SRP54: variants seen among roughly 807,000 people sequenced by gnomAD.
The protein encoded by SRP54 is signal recognition particle 54, also known as signal recognition particle subunit SRP54.
SRP54 carries 10 observed loss-of-function variants against 64.8 expected under a neutral mutation model. That is an observed-to-expected ratio of 0.15 (90% CI 0.10 to 0.26). SRP54 has a LOEUF of 0.26. SRP54 is among the 10% of genes least tolerant of loss of function. SRP54 has a pLI of 1.00. For synonymous variants in SRP54, 193 were observed against 185.6 expected (o/e 1.04, Z -0.32); for missense variants, 325 against 613.7 (o/e 0.53, Z 4.97).
chr14:34,986,648 G>A (rs1182048011), intron 1 of SRP54, among the ~76,000 whole-genome samples: 1 of 152,226 alleles, frequency 6.6e-6, no homozygotes, highest in African/African-American at 2.4e-5. Flanking sequence ...GGGAGGCTGA[G>A]GCGGGTGGAT....
At chr14:35,013,661 C>T in intron 9 of SRP54, 141 bp from the exon 10 acceptor site, 1 of 1,042,358 alleles carries the variant, frequency 9.6e-7, no homozygotes, top group Non-Finnish European at 1.4e-6. Context: ...TGATATAGGT[C>T]TATTATAACT....
In SRP54 at chr14:35,000,894, A is replaced by AT. The variant is rs762519691; in HGVS notation, c.171-38dup. 219 of 1,143,080 alleles carry AT rather than the reference A, an allele frequency of 1.9e-4. No individual in the cohort carries two copies. The East Asian group carries it at 3.0e-3, about 16-fold the overall frequency. 70.8% of individuals were successfully genotyped at this position (1,143,080 alleles called of 1,614,324 possible). On this transcript the variant is annotated intron_variant, in intron 3 of 15. Transcript: ENST00000216774. ...TCTTTTTCTTAGAGTTTCTTAACTG[A>AT]TTTTCTCCTCCCCACCCCAATCACC... is the stretch of plus-strand genomic sequence containing the variant.
chr14:35,001,767 A>C (rs1454102540), intron 4 of SRP54, among the ~76,000 whole-genome samples: 1 of 152,182 alleles, frequency 6.6e-6, no homozygotes, highest in Non-Finnish European at 1.5e-5. Context: ...AATTAGTGAA[A>C]GTTTTATTTT....
At chr14:34,999,520 T>C (rs747517815) in intron 2 of SRP54, 38 bp from the exon 3 acceptor site, 8 of 1,475,400 alleles carry the variant, frequency 5.4e-6, no homozygotes, top group Middle Eastern at 1.9e-4. Context: ...AAATGAAACA[T>C]TGGGTGCTTT....
rs1408744907 is a variant in SRP54 at position 35,013,261 on chromosome 14, A to T, written c.637-85A>T. ...TGAGCCACTGCACCTGGCTCTAAAT[A>T]TTGTTTTATAGCTTCTAATGATGAC... On this transcript the variant is annotated intron_variant, in intron 8 of 15. Coordinates refer to ENST00000216774, the MANE Select transcript of SRP54 (RefSeq NM_003136.4). 1.3e-5 allele frequency: 18 copies of T among 1,337,578 alleles called. No homozygotes were observed. The East Asian group carries it at 4.1e-4, about 30-fold the overall frequency. 82.9% of individuals were successfully genotyped at this position (1,337,578 alleles called of 1,614,324 possible). A position where few individuals can be genotyped will look rare whatever the true frequency, so the allele number is the denominator to read the frequency against.
chr14:35,012,151 G>A (rs1169951928), intron 8 of SRP54, among the ~76,000 whole-genome samples: 1 of 149,776 alleles, frequency 6.7e-6, no homozygotes, highest in Non-Finnish European at 1.5e-5. Context: ...GGGAGGCAGA[G>A]GTTGCAGTGA....
At chr14:35,020,088 G>C (rs185658819) in intron 13 of SRP54, among the ~76,000 whole-genome samples, 20 of 152,298 alleles carry the variant, frequency 1.3e-4, no homozygotes, top group African/African-American at 4.6e-4. Context: ...GGGAGGCTGA[G>C]GCAGGAGAAT....
At chr14:34,998,486 C>A (rs1359198172) in intron 2 of SRP54, among the ~76,000 whole-genome samples, 1 of 152,082 alleles carries the variant, frequency 6.6e-6, no homozygotes, top group African/African-American at 2.4e-5. Context: ...CCTTCTGTCA[C>A]ATTTACTTCC....
intron 1 of SRP54, among the ~76,000 whole-genome samples, chr14:34,995,134 G>GGTGTGTGTGTGTGTGTGTGTGTGT: frequency 1.4e-5 from 1 of 70,330 alleles, no homozygotes; most frequent in East Asian, 4.4e-4. Context: ...ATCAATAAAG[G>GGTGTGTGTGTGTGTGTGTGTGTGT]GTGTGTGTGT....
intron 15 of SRP54, among the ~76,000 whole-genome samples, chr14:35,028,817 T>A (rs1177301085): frequency 6.6e-6 from 1 of 152,226 alleles, no homozygotes; most frequent in Non-Finnish European, 1.5e-5. Context: ...CTAAGATCTT[T>A]TTATGTATCA....
Position 35,013,335 on chromosome 14 carries a change from A to G in SRP54, c.637-11A>G. 6.2e-7 allele frequency: 1 copy of G among 1,610,066 alleles called. No individual in the cohort carries two copies. Among genetic ancestry groups the G allele is most frequent in the Non-Finnish European group, 8.5e-7 (1 of 1,178,434 alleles). On this transcript the variant is annotated splice_polypyrimidine_tract_variant and intron_variant, in intron 8 of 15. Transcript: ENST00000216774. ...CTTTTCTAAAGTATCTTTTCTATTT[A>G]AACTTTCTAGCAACCTGATAACATT...
intron 7 of SRP54, among the ~76,000 whole-genome samples, chr14:35,010,427 CAA>C (rs2044337704): frequency 6.6e-6 from 1 of 151,952 alleles, no homozygotes; most frequent in African/African-American, 2.4e-5. Flanking sequence ...CCATGGGCAA[CAA>C]GAGCAAAACT....
chr14:35,023,208 T>G (rs535999969), intron 14 of SRP54, 128 bp downstream of exon 14: 1 of 700,382 alleles, frequency 1.4e-6, no homozygotes, highest in East Asian at 2.8e-5. Context: ...CCAGGATTTA[T>G]GTGACCTGTG....
In SRP54 at chr14:35,029,044, C is replaced by G. The variant is rs774998207; in HGVS notation, c.1424-17C>G. ...TAATTCTCTGTTTTTAACTCTACTT[C>G]CCTACTTTTGCTCTAGGTGGTATGG... On this transcript the variant is annotated splice_polypyrimidine_tract_variant and intron_variant, in intron 15 of 15. Transcript: ENST00000216774. The G allele has an allele frequency of 3.1e-6, 5 of 1,601,792 alleles. No homozygotes were observed. Among genetic ancestry groups the G allele is most frequent in the East Asian group, 2.2e-5 (1 of 44,710 alleles).
chr14:35,016,421 T>G (rs979568782), intron 11 of SRP54, among the ~76,000 whole-genome samples: 1 of 152,218 alleles, frequency 6.6e-6, no homozygotes, highest in Admixed American at 6.5e-5. Flanking sequence ...CTGGACTTCT[T>G]TTAGTTTCTC....
At chr14:34,984,466 A>G (rs947481066) in intron 1 of SRP54, among the ~76,000 whole-genome samples, 8 of 152,072 alleles carry the variant, frequency 5.3e-5, no homozygotes, top group African/African-American at 1.9e-4. Context: ...CATTGTCCCT[A>G]TATGCCAACC....
chr14:35,010,019 G>A (rs1366316327), intron 7 of SRP54, among the ~76,000 whole-genome samples: 1 of 151,890 alleles, frequency 6.6e-6, no homozygotes, highest in Non-Finnish European at 1.5e-5. Context: ...GTGGTAGTGG[G>A]TGCCTGTAAT....
chr14:35,014,975 C>G (rs1399388084), intron 11 of SRP54, 145 bp downstream of exon 11: 16 of 554,240 alleles, frequency 2.9e-5, no homozygotes, highest in South Asian at 5.2e-5. Context: ...ATATGCAAAT[C>G]ATTTAAAATC....
At chr14:35,009,657 T>C (rs150172747) in intron 7 of SRP54, among the ~76,000 whole-genome samples, 20 of 152,244 alleles carry the variant, frequency 1.3e-4, no homozygotes, top group African/African-American at 4.3e-4. Flanking sequence ...ATTCAGCTTA[T>C]AAGAGGTGTC....
Sources: allele counts gnomAD v4.1 joint callset (sites outside exome capture counted in the v4.1 genomes callset), GRCh38; gene constraint gnomAD v4.1.1; transcripts MANE v1.5; gene names NCBI Gene and HGNC (gene_info 2026-07-23, HGNC 2026-07-21).